The following MERTK variants were observed in gnomAD, a reference collection of about 807,000 sequenced individuals.
The protein encoded by MERTK is tyrosine-protein kinase Mer.
A neutral mutation model predicts 99.3 loss-of-function variants in MERTK; 69 were observed. The observed-to-expected ratio is 0.70, with a 90% CI of 0.57 to 0.85. MERTK has a LOEUF of 0.85. MERTK is among the 40% of genes least tolerant of loss of function. The probability of loss-of-function intolerance (pLI) is 0.00; values close to 1 mark genes in which losing one functional copy is unlikely to be tolerated. For missense variants in MERTK, 1,125 were observed against 1,249.4 expected, an observed-to-expected ratio of 0.90 and a Z score of 1.50; for synonymous variants, 426 against 467.6, an observed-to-expected ratio of 0.91 and a Z score of 1.15.
At chr2:111,917,605 G>A (rs894441890) in intron 1 of MERTK, among the ~76,000 whole-genome samples, 16 of 152,154 alleles carry the variant, frequency 1.1e-4, no homozygotes, top group Admixed American at 1.3e-4. Context: ...TAAAAGACGA[G>A]GCCAGGCGCA....
chr2:111,959,258 A>G (rs977591629), intron 4 of MERTK, among the ~76,000 whole-genome samples: 2 of 152,064 alleles, frequency 1.3e-5, no homozygotes, highest in African/African-American at 2.4e-5. Flanking sequence ...TCCTCATCCT[A>G]TATGTATCTT....
chr2:112,016,422 A>G (rs1677217029), intron 15 of MERTK, among the ~76,000 whole-genome samples: 1 of 152,270 alleles, frequency 6.6e-6, no homozygotes, highest in South Asian at 2.1e-4. Flanking sequence ...GCATAGACAA[A>G]CAGAAAAATC....
Position 112,028,682 on chromosome 2 carries a change from G to T in MERTK, c.2818G>T (p.Asp940Tyr). 3 of 1,614,212 alleles carry T rather than the reference G, an allele frequency of 1.9e-6. No individual in the cohort carries two copies. Among genetic ancestry groups the T allele is most frequent in the South Asian group, 2.2e-5 (2 of 91,088 alleles). Reference protein sequence around the residue: ...ILNGGSEEWEDLTSAPSAAVT... With the variant: ...ILNGGSEEWEYLTSAPSAAVT... ...GAATGGGGGCAGTGAGGAATGGGAAGATCTGACTTCTGCCCCCTCTGCTGC... is the reference window on the plus strand; with the variant it reads ...GAATGGGGGCAGTGAGGAATGGGAATATCTGACTTCTGCCCCCTCTGCTGC... The change falls in exon 19 of 19, where the codon GAT becomes TAT. Residue 940 changes from aspartate to tyrosine, a missense_variant. Transcript: ENST00000295408.
intron 4 of MERTK, among the ~76,000 whole-genome samples, chr2:111,962,587 C>T (rs939866724): frequency 1.3e-5 from 2 of 152,088 alleles, no homozygotes; most frequent in African/African-American, 4.8e-5. Flanking sequence ...ATAAACCCCA[C>T]CCCCACTTTC....
intron 1 of MERTK, 110 bp from the exon 2 acceptor site, chr2:111,929,010 G>T: frequency 9.5e-7 from 1 of 1,051,388 alleles, no homozygotes; most frequent in South Asian, 1.3e-5. Context: ...TCTTTTCCTG[G>T]GGCACAGAGG....
chr2:112,010,083 G>A lies in MERTK; in HGVS notation c.2079+17G>A, dbSNP rs564233837. 1 of 1,548,926 alleles carries A rather than the reference G, an allele frequency of 6.5e-7. No individual in the cohort carries two copies. The highest frequency in any genetic ancestry group is 2.2e-5 in the East Asian group (1 of 44,528). ...GGACCAAAGGTAATGATCTCCTTGT[G>A]TTACCCCTGAACACTTCTCAGGGCT... On this transcript the variant is annotated intron_variant, in intron 15 of 18. Coordinates refer to ENST00000295408, the MANE Select transcript of MERTK (RefSeq NM_006343.3).
chr2:112,005,896 T>G (rs1676969993), intron 13 of MERTK, among the ~76,000 whole-genome samples: 1 of 152,148 alleles, frequency 6.6e-6, no homozygotes, highest in African/African-American at 2.4e-5. Flanking sequence ...ATTTTTTTCT[T>G]TTTGAGACAG....
Position 111,958,787 on chromosome 2 carries a change from T to C in MERTK, c.758-6404T>C, listed in dbSNP as rs17042090. Among the ~76,000 whole-genome samples, 563 of 152,260 alleles carry C rather than the reference T, an allele frequency of 3.7e-3. 3 individuals are homozygous for C. Among genetic ancestry groups the C allele is most frequent in the African/African-American group, 0.013 (536 of 41,508 alleles). On this transcript the variant is annotated intron_variant, in intron 4 of 18. Coordinates refer to ENST00000295408, the MANE Select transcript of MERTK (RefSeq NM_006343.3). The stretch of plus-strand genomic sequence containing the variant: ...TAAACCTGTTAGGACTAAAGATCAC[T>C]GGGCCTGAAATCTGCTACTATAGGA...
chr2:111,911,877 T>G (rs1684256164), intron 1 of MERTK, among the ~76,000 whole-genome samples: 3 of 151,666 alleles, frequency 2.0e-5, no homozygotes, highest in African/African-American at 7.3e-5. Flanking sequence ...TTTGTAGAGA[T>G]GAGGTTTTGC....
chr2:111,921,751 GTTTTTCTTTTATTT>G (rs1289172301), intron 1 of MERTK, among the ~76,000 whole-genome samples: 2 of 151,978 alleles, frequency 1.3e-5, no homozygotes, highest in East Asian at 3.9e-4. Flanking sequence ...TCTGGGCCTC[GTTTTTCTTTTATTT>G]CTATTTTTGG....
intron 4 of MERTK, among the ~76,000 whole-genome samples, chr2:111,953,811 G>T (rs192856979): frequency 3.9e-5 from 6 of 152,310 alleles, no homozygotes; most frequent in Non-Finnish European, 7.3e-5. Context: ...CTGATCTCAG[G>T]TGATCCACCC....
intron 4 of MERTK, among the ~76,000 whole-genome samples, chr2:111,957,383 AG>A (rs1333337312): frequency 2.0e-5 from 3 of 151,954 alleles, no homozygotes; most frequent in Non-Finnish European, 2.9e-5. Context: ...GAACCTCCCC[AG>A]GCCCCCGAGT....
At chr2:111,937,316 G>A (rs1439953332) in intron 2 of MERTK, among the ~76,000 whole-genome samples, 4 of 152,036 alleles carry the variant, frequency 2.6e-5, no homozygotes, top group African/African-American at 9.7e-5. Flanking sequence ...GGCAGACATG[G>A]TGGTGCACAC....
chr2:111,966,609 A>C (rs556012497), intron 5 of MERTK, among the ~76,000 whole-genome samples: 28 of 152,194 alleles, frequency 1.8e-4, no homozygotes, highest in Non-Finnish European at 2.6e-4. Flanking sequence ...CTATTAGATC[A>C]TTCCCCAAAC....
intron 2 of MERTK, among the ~76,000 whole-genome samples, chr2:111,937,704 A>G (rs371482380): frequency 6.1e-4 from 92 of 152,056 alleles, no homozygotes; most frequent in African/African-American, 2.1e-3. Flanking sequence ...AATTTCTTTA[A>G]CCAAACTATC....
At chr2:112,016,037 CT>C (rs1353793887) in intron 15 of MERTK, among the ~76,000 whole-genome samples, 5 of 152,198 alleles carry the variant, frequency 3.3e-5, no homozygotes, top group Admixed American at 1.3e-4. Flanking sequence ...TCCTTTGCCC[CT>C]ATCACATTGT....
At chr2:111,936,975 A>G (rs1044216117) in intron 2 of MERTK, among the ~76,000 whole-genome samples, 6 of 152,162 alleles carry the variant, frequency 3.9e-5, no homozygotes, top group African/African-American at 9.7e-5. Flanking sequence ...ACCAGACGAC[A>G]GGGAAGCCCA....
intron 1 of MERTK, among the ~76,000 whole-genome samples, chr2:111,928,472 C>T (rs994753140): frequency 6.6e-6 from 1 of 151,034 alleles, no homozygotes; most frequent in African/African-American, 2.4e-5. Flanking sequence ...TAGTCTCTGA[C>T]AGAGCAGACA....
intron 4 of MERTK, among the ~76,000 whole-genome samples, chr2:111,956,924 C>T (rs1573599049): frequency 6.6e-6 from 1 of 151,306 alleles, no homozygotes; most frequent in Non-Finnish European, 1.5e-5. Flanking sequence ...TATTAAGAGA[C>T]CTGCCTTCTT....
Sources: gnomAD v4.1 joint callset for allele counts (sites outside exome capture counted in the v4.1 genomes callset) on GRCh38, gnomAD v4.1.1 for gene constraint, MANE v1.5 for transcripts, NCBI Gene and HGNC (gene_info 2026-07-23, HGNC 2026-07-21) for gene names.